CLTA: variants seen among roughly 807,000 people sequenced by gnomAD.
The protein encoded by CLTA is clathrin light chain A.
Under a neutral mutation model 26.9 loss-of-function variants are expected in CLTA, and 9 were observed. The ratio of observed to expected loss-of-function variants is 0.33; its 90% CI spans 0.20 to 0.58. The LOEUF (loss-of-function observed/expected upper bound fraction) is 0.58, where lower values mean the gene tolerates loss of function less well. CLTA is among the 20% of genes least tolerant of loss of function. CLTA has a pLI of 0.85. For missense variants in CLTA, 278 were observed against 294.2 expected (o/e 0.94, Z 0.40); for synonymous variants, 120 against 115.5 (o/e 1.04, Z -0.25).
chr9:36,198,399 G>T (rs966520058), intron 2 of CLTA, among the ~76,000 whole-genome samples: 7 of 151,800 alleles, frequency 4.6e-5, no homozygotes, highest in African/African-American at 7.3e-5. Context: ...AACACAGGCC[G>T]GGCACGGTGG....
rs1320451260 is a variant in CLTA, at chr9:36,191,225, G to T, written c.169G>T (p.Gly57Cys). ...ENDEAFAILD[G>C]GAPGPQPHGE... ...CGACGAGGCCTTCGCCATCCTGGAC[G>T]GCGGCGCCCCCGGGCCCCAGCCGCA... The change falls in exon 1 of 5, where the codon GGC becomes TGC. Residue 57 changes from glycine to cysteine, a missense_variant. Gly to Cys is a radical substitution (Grantham distance 159). Coordinates refer to ENST00000345519, the MANE Select transcript of CLTA (RefSeq NM_001833.4). The T allele has an allele frequency of 1.9e-6, 3 of 1,547,360 alleles. No homozygotes were observed. Among genetic ancestry groups the T allele is most frequent in the Non-Finnish European group, 2.6e-6 (3 of 1,150,580 alleles).
intron 1 of CLTA, among the ~76,000 whole-genome samples, chr9:36,196,880 G>C (rs1051284079): frequency 2.0e-5 from 3 of 152,092 alleles, no homozygotes; most frequent in African/African-American, 7.2e-5. Context: ...GGAAAATTAA[G>C]AAAAATATGA....
intron 1 of CLTA, among the ~76,000 whole-genome samples, chr9:36,194,004 G>A (rs749560447): frequency 1.3e-5 from 2 of 152,172 alleles, no homozygotes; most frequent in African/African-American, 2.4e-5. Context: ...AAGCCACAGA[G>A]AGAGTACAGC....
intron 3 of CLTA, 25 bp downstream of exon 3, chr9:36,199,121 G>C (rs1187073668): frequency 6.7e-7 from 1 of 1,493,124 alleles, no homozygotes; most frequent in Non-Finnish European, 9.3e-7. Flanking sequence ...CTGTGTTTTG[G>C]TGTCTGTTTT....
In CLTA at chr9:36,191,201, G is replaced by A; in HGVS notation, c.145G>A (p.Asp49Asn). The A allele has an allele frequency of 6.4e-7, 1 of 1,574,176 alleles. No homozygotes were observed. The highest frequency in any genetic ancestry group is 8.6e-7 in the Non-Finnish European group (1 of 1,163,480). ...GAGCGAGATTGCGGGCATCGAGAACGACGAGGCCTTCGCCATCCTGGACGG... is the reference window on the plus strand; with the variant it reads ...GAGCGAGATTGCGGGCATCGAGAACAACGAGGCCTTCGCCATCCTGGACGG... Reference protein sequence around the residue: ...QESEIAGIENDEAFAILDGGA... With the variant: ...QESEIAGIENNEAFAILDGGA... The change falls in exon 1 of 5, where the codon GAC becomes AAC. Residue 49 changes from aspartate to asparagine, a missense_variant. Asp to Asn is a conservative substitution (Grantham distance 23). Transcript: ENST00000345519.
intron 3 of CLTA, among the ~76,000 whole-genome samples, chr9:36,201,740 C>T (rs1030599721): frequency 6.6e-6 from 1 of 152,142 alleles, no homozygotes; most frequent in South Asian, 2.1e-4. Flanking sequence ...ACTTCCAGCC[C>T]ACAGCTTCTC....
At chr9:36,210,779 G>A (rs935727279) in intron 4 of CLTA, 11 of 1,128,370 alleles carry the variant, frequency 9.7e-6, no homozygotes, top group Admixed American at 1.8e-5. Context: ...CCACCCCTCC[G>A]TCCCCACAGA....
intron 3 of CLTA, among the ~76,000 whole-genome samples, chr9:36,199,404 G>GT (rs113706104): frequency 0.094 from 14,323 of 151,620 alleles, 917 homozygotes; most frequent in South Asian, 0.18. Flanking sequence ...AAGGATTCAA[G>GT]TTTCCTATGT....
rs759191657 is a variant in CLTA at position 36,211,963 on chromosome 9, A to G, written c.*189A>G. The G allele has an allele frequency of 2.2e-4, 157 of 702,160 alleles. 2 individuals carry two copies. The Admixed American group carries it at 3.2e-3, about 14-fold the overall frequency. 43.5% of individuals were successfully genotyped at this position (702,160 alleles called of 1,614,324 possible). On this transcript the variant is annotated 3_prime_UTR_variant, in exon 5 of 5. Transcript: ENST00000345519. ...TCTCCCTGGCATTCAGAGAGGAGGG[A>G]GAGGAGGAAGAGGAAGGGGAGGGAA...
intron 2 of CLTA, among the ~76,000 whole-genome samples, chr9:36,198,702 GA>G (rs546254007): frequency 0.04 from 2,643 of 66,266 alleles, 38 homozygotes; most frequent in Middle Eastern, 0.065. Flanking sequence ...CCCCACCCCA[GA>G]AAAAAAAAAA....
chr9:36,208,535 T>TCACC (rs1242515627), intron 4 of CLTA, among the ~76,000 whole-genome samples: 3 of 152,222 alleles, frequency 2.0e-5, no homozygotes, highest in Non-Finnish European at 4.4e-5. Flanking sequence ...ACCAGACCAC[T>TCACC]CACCTCCAGC....
intron 3 of CLTA, among the ~76,000 whole-genome samples, chr9:36,202,710 A>C (rs1827485391): frequency 6.6e-6 from 1 of 152,190 alleles, no homozygotes; most frequent in Admixed American, 6.5e-5. Flanking sequence ...TGTTGTAAAG[A>C]TTGAGTTAGA....
intron 1 of CLTA, among the ~76,000 whole-genome samples, chr9:36,193,332 T>TA (rs971763529): frequency 2.0e-5 from 3 of 149,126 alleles, no homozygotes; most frequent in African/African-American, 7.4e-5. Context: ...TTTTTTTTTT[T>TA]AAAGATATGC....
chr9:36,191,435 G>A (rs1379049517), intron 1 of CLTA, among the ~76,000 whole-genome samples, 162 bp downstream of exon 1: 2 of 152,242 alleles, frequency 1.3e-5, no homozygotes, highest in Non-Finnish European at 2.9e-5. Context: ...AGAAACCTAG[G>A]CTCGAGAAGC....
intron 3 of CLTA, among the ~76,000 whole-genome samples, chr9:36,201,860 C>T (rs556464283): frequency 2.0e-5 from 3 of 152,132 alleles, no homozygotes; most frequent in Non-Finnish European, 2.9e-5. Context: ...GTCTGTAATC[C>T]CAGCACTTTA....
intron 4 of CLTA, among the ~76,000 whole-genome samples, chr9:36,207,911 C>T (rs1313383186): frequency 6.6e-6 from 1 of 152,124 alleles, no homozygotes; most frequent in African/African-American, 2.4e-5. Context: ...TTTCCTCCCA[C>T]TCATTCTGCC....
intron 1 of CLTA, among the ~76,000 whole-genome samples, chr9:36,192,396 C>A (rs953781124): frequency 6.6e-6 from 1 of 152,180 alleles, no homozygotes; most frequent in Non-Finnish European, 1.5e-5. Flanking sequence ...CCAGGCGGAA[C>A]CTTTTGATGG....
At position 36,211,727 on chromosome 9, in the gene CLTA, A is replaced by C; in HGVS notation, c.610A>C (p.Met204Leu). 1 of 1,614,094 alleles carries C rather than the reference A, an allele frequency of 6.2e-7. No homozygotes were observed. The highest frequency in any genetic ancestry group is 8.5e-7 in the Non-Finnish European group (1 of 1,179,962). The change falls in exon 5 of 5, where the codon ATG (methionine) becomes CTG (leucine). Residue 204 changes from methionine to leucine, a missense_variant. By Grantham distance (15) the Met-to-Leu change is conservative. Transcript: ENST00000345519. The part of the protein sequence containing the change: ...SSKQAKDVSR[M>L]RSVLISLKQA... The stretch of plus-strand genomic sequence containing the variant: ...CAAGCAGGCCAAAGATGTCTCCCGC[A>C]TGCGCTCAGTCCTCATCTCCCTCAA...
At chr9:36,195,163 A>G (rs1333248024) in intron 1 of CLTA, among the ~76,000 whole-genome samples, 1 of 152,204 alleles carries the variant, frequency 6.6e-6, no homozygotes, top group East Asian at 1.9e-4. Flanking sequence ...AATAAATTCC[A>G]GGTGGATTAA....
Sources: allele counts gnomAD v4.1 joint callset (sites outside exome capture counted in the v4.1 genomes callset), GRCh38; gene constraint gnomAD v4.1.1; transcripts MANE v1.5; gene names NCBI Gene and HGNC (gene_info 2026-07-23, HGNC 2026-07-21).